Variants in KLHL32 observed in about 807,000 individuals in gnomAD.
KLHL32 encodes the protein kelch like family member 32.
In KLHL32, 35 loss-of-function variants were observed where a neutral mutation model predicts 64.8. That is an observed-to-expected ratio of 0.54 (90% CI 0.41 to 0.72). The LOEUF is 0.72. KLHL32 is among the 30% of genes least tolerant of loss of function. The pLI, the probability that KLHL32 is intolerant of heterozygous loss-of-function variation, is 0.00. For missense variants in KLHL32, 589 were observed against 768.5 expected, an observed-to-expected ratio of 0.77 and a Z score of 2.76; for synonymous variants, 259 against 281.0, an observed-to-expected ratio of 0.92 and a Z score of 0.78.
chr6:96,933,767 G>A (rs1456466821), intron 1 of KLHL32, among the ~76,000 whole-genome samples: 3 of 152,130 alleles, frequency 2.0e-5, no homozygotes, highest in African/African-American at 7.2e-5. Flanking sequence ...ACAGTGCCAG[G>A]GTTAATAAGG....
At chr6:96,942,783 G>A (rs527798002) in intron 1 of KLHL32, among the ~76,000 whole-genome samples, 27 of 151,700 alleles carry the variant, frequency 1.8e-4, no homozygotes, top group Admixed American at 5.3e-4. Context: ...CTTTCCCCAG[G>A]TTATTCTGAT....
At chr6:96,900,762 C>T in the KLHL32 span, among the ~76,000 whole-genome samples, 2 of 152,342 alleles carry the variant, frequency 1.3e-5, no homozygotes, top group South Asian at 4.1e-4. Flanking sequence ...GGACAGCCCT[C>T]AGAGGTTTCA....
At chr6:97,100,405 C>A (rs1484058986) in intron 6 of KLHL32, among the ~76,000 whole-genome samples, 1 of 152,106 alleles carries the variant, frequency 6.6e-6, no homozygotes, top group Non-Finnish European at 1.5e-5. Flanking sequence ...CTTCCCCAGC[C>A]CTACCAGCTG....
intron 6 of KLHL32, among the ~76,000 whole-genome samples, chr6:97,101,779 T>C (rs1054389782): frequency 1.3e-5 from 2 of 152,242 alleles, no homozygotes; most frequent in Non-Finnish European, 2.9e-5. Context: ...TTATTATCAC[T>C]TTAAATATGT....
chr6:97,084,612 T>G lies in KLHL32; in HGVS notation c.412-514T>G, dbSNP rs60268275. On this transcript the variant is annotated intron_variant, in intron 5 of 10. Transcript: ENST00000369261. ...GAGACCTTGTATATAAAACTCTGGA[T>G]TTTAGTTAAGACAGGATGGGTTGTT... Among the ~76,000 whole-genome samples, 1,296 of 152,300 alleles carry G rather than the reference T, an allele frequency of 8.5e-3. 21 individuals carry two copies. Among genetic ancestry groups the G allele is most frequent in the African/African-American group, 0.03 (1,248 of 41,572 alleles).
At chr6:96,965,447 A>G (rs909406426) in intron 1 of KLHL32, among the ~76,000 whole-genome samples, 4 of 152,248 alleles carry the variant, frequency 2.6e-5, no homozygotes, top group Non-Finnish European at 4.4e-5. Flanking sequence ...GAAGCATATC[A>G]AGTTAGACTT....
At chr6:97,020,582 A>G (rs546868687) in intron 3 of KLHL32, among the ~76,000 whole-genome samples, 2 of 151,004 alleles carry the variant, frequency 1.3e-5, no homozygotes, top group South Asian at 2.1e-4. Flanking sequence ...TCTAAAGTCC[A>G]GAAGAAGATG....
At chr6:97,045,819 T>C (rs9372321) in intron 4 of KLHL32, among the ~76,000 whole-genome samples, 11,662 of 152,254 alleles carry the variant, frequency 0.077, 466 homozygotes, top group South Asian at 0.16. Context: ...AGCTGACTTT[T>C]TGAAGGTGAA....
At chr6:96,961,734 C>G (rs999431728) in intron 1 of KLHL32, among the ~76,000 whole-genome samples, 5 of 152,178 alleles carry the variant, frequency 3.3e-5, no homozygotes, top group African/African-American at 1.2e-4. Context: ...GGCTTCTGCA[C>G]AAGGGTAATT....
intron 1 of KLHL32, among the ~76,000 whole-genome samples, chr6:96,949,455 G>A (rs956439833): frequency 3.3e-5 from 5 of 151,974 alleles, no homozygotes; most frequent in East Asian, 1.9e-4. Flanking sequence ...CATCTACCCC[G>A]ACCAGCCTTT....
At chr6:96,904,629 T>C in the KLHL32 span, among the ~76,000 whole-genome samples, 1 of 152,208 alleles carries the variant, frequency 6.6e-6, no homozygotes, top group African/African-American at 2.4e-5. Flanking sequence ...ATAGCGTTTT[T>C]AATGAAGCTC....
chr6:97,006,200 T>G (rs1001239886), intron 3 of KLHL32, among the ~76,000 whole-genome samples: 1 of 152,216 alleles, frequency 6.6e-6, no homozygotes, highest in Non-Finnish European at 1.5e-5. Context: ...TTCTATTAGG[T>G]GCATACATAT....
intron 5 of KLHL32, among the ~76,000 whole-genome samples, chr6:97,075,423 A>G (rs989422672): frequency 6.6e-6 from 1 of 152,110 alleles, no homozygotes; most frequent in African/African-American, 2.4e-5. Flanking sequence ...TCATATTACA[A>G]GTTATCTGGC....
intron 3 of KLHL32, among the ~76,000 whole-genome samples, chr6:97,025,872 G>C (rs1047620261): frequency 6.6e-6 from 1 of 152,114 alleles, no homozygotes; most frequent in Non-Finnish European, 1.5e-5. Flanking sequence ...ATTCAAGTAG[G>C]ACTCTGACAC....
At chr6:97,068,149 C>T (rs1403660967) in intron 5 of KLHL32, among the ~76,000 whole-genome samples, 2 of 152,148 alleles carry the variant, frequency 1.3e-5, no homozygotes, top group Non-Finnish European at 1.5e-5. Context: ...ATGAAGATGT[C>T]TCTTTTTTGC....
chr6:97,057,172 CTTTT>C (rs199552121), intron 4 of KLHL32, among the ~76,000 whole-genome samples: 3 of 64,998 alleles, frequency 4.6e-5, no homozygotes, highest in African/African-American at 2.7e-4. Flanking sequence ...ATGTGAGTAT[CTTTT>C]TTTTTTTTTT....
intron 6 of KLHL32, among the ~76,000 whole-genome samples, chr6:97,106,059 C>G (rs1000312146): frequency 6.6e-5 from 10 of 152,048 alleles, no homozygotes; most frequent in African/African-American, 2.2e-4. Flanking sequence ...TATATACAAG[C>G]AGTTGGAATT....
At chr6:97,078,845 G>A (rs1188398909) in intron 5 of KLHL32, among the ~76,000 whole-genome samples, 1 of 152,204 alleles carries the variant, frequency 6.6e-6, no homozygotes, top group South Asian at 2.1e-4. Context: ...TATGCATAAT[G>A]TGTATAATTT....
At chr6:97,007,550 A>T (rs537995887) in intron 3 of KLHL32, among the ~76,000 whole-genome samples, 1 of 152,304 alleles carries the variant, frequency 6.6e-6, no homozygotes, top group African/African-American at 2.4e-5. Context: ...TGAAGGTAGG[A>T]AGACCCTCTG....
Sources: gnomAD v4.1 joint callset for allele counts (sites outside exome capture counted in the v4.1 genomes callset) on GRCh38, gnomAD v4.1.1 for gene constraint, MANE v1.5 for transcripts, NCBI Gene and HGNC (gene_info 2026-07-23, HGNC 2026-07-21) for gene names.